The following SERTAD2 variants were observed in gnomAD, a reference collection of about 807,000 sequenced individuals.
The protein encoded by SERTAD2 is SERTA domain containing 2.
In SERTAD2, 2 loss-of-function variants were observed where a neutral mutation model predicts 15.4. The ratio of observed to expected loss-of-function variants is 0.13; its 90% CI spans 0.05 to 0.41. The LOEUF (loss-of-function observed/expected upper bound fraction) is 0.41. SERTAD2 is among the 10% of genes least tolerant of loss of function. SERTAD2 has a pLI of 0.99. For missense variants in SERTAD2, 333 were observed against 409.7 expected (o/e 0.81, Z 1.62); for synonymous variants, 180 against 178.0 (o/e 1.01, Z -0.09).
chr2:64,642,901 G>A (rs560166777), intron 1 of SERTAD2, among the ~76,000 whole-genome samples: 7 of 149,732 alleles, frequency 4.7e-5, no homozygotes, highest in South Asian at 2.1e-4. Context: ...TCATTAGCCC[G>A]GGCGGAAGGA....
At chr2:64,650,097 G>A (rs532035549) in intron 1 of SERTAD2, among the ~76,000 whole-genome samples, 1 of 152,304 alleles carries the variant, frequency 6.6e-6, no homozygotes, top group South Asian at 2.1e-4. Context: ...ATTAAGTTCA[G>A]ATGAGGGACA....
rs1423241531 is a variant in SERTAD2 at position 64,634,537 on chromosome 2, CATGTTGTA to C, written c.*1382_*1389del. 6.6e-6 allele frequency: 1 copy of C among 152,174 alleles called. No homozygotes were observed. The highest frequency in any genetic ancestry group is 1.5e-5 in the Non-Finnish European group (1 of 68,052). The allele number at this position is 152,174 out of a possible 1,614,324, so 9.4% of individuals were successfully genotyped here. A position where few individuals can be genotyped will look rare whatever the true frequency, so the allele number is the denominator to read the frequency against. ...ATGAACTCCAGGTTCAAGAGTCACA[CATGTTGTA>C]AGAGTGCATCCCGGGCCGGCCGAGG... On this transcript the variant is annotated 3_prime_UTR_variant, in exon 2 of 2. Transcript: ENST00000313349.
chr2:64,648,708 T>C (rs959290980), intron 1 of SERTAD2, among the ~76,000 whole-genome samples: 3 of 152,154 alleles, frequency 2.0e-5, no homozygotes, highest in Admixed American at 6.5e-5. Flanking sequence ...ACCTGTCTTC[T>C]GGAGCTTTAG....
Position 64,635,885 on chromosome 2 carries a change from G to GCT in SERTAD2, c.*40_*41dup, listed in dbSNP as rs1558650979. On this transcript the variant is annotated 3_prime_UTR_variant, in exon 2 of 2. Transcript: ENST00000313349. ...GGAGAACTGTCAGGGTTATGGGAAC[G>GCT]CTCTGGGGTCTGGGTGGGCATAGTC... 1.4e-6 allele frequency: 2 copies of GCT among 1,468,830 alleles called. No homozygotes were observed. Among genetic ancestry groups the GCT allele is most frequent in the South Asian group, 2.3e-5 (2 of 87,028 alleles). 91.0% of individuals were successfully genotyped at this position (1,468,830 alleles called of 1,614,324 possible).
Position 64,634,785 on chromosome 2 carries a change from G to A in SERTAD2, c.*1142C>T, listed in dbSNP as rs1674620019. 6.6e-6 allele frequency: 1 copy of A among 152,190 alleles called. No individual in the cohort carries two copies. Among genetic ancestry groups the A allele is most frequent in the Non-Finnish European group, 1.5e-5 (1 of 68,020 alleles). 9.4% of individuals were successfully genotyped at this position (152,190 alleles called of 1,614,324 possible). ...TTCGGATGTAAAATTTTGTTCGGAT[G>A]TAAAATTTCAGGTCATCATAAAAAT... On this transcript the variant is annotated 3_prime_UTR_variant, in exon 2 of 2. Transcript: ENST00000313349.
chr2:64,639,239 T>C (rs1674721276), intron 1 of SERTAD2, among the ~76,000 whole-genome samples: 1 of 152,264 alleles, frequency 6.6e-6, no homozygotes. Context: ...GAACTGTTAC[T>C]GGTCCACGAT....
rs950689305 is a variant in SERTAD2, at chr2:64,633,950, G to A, written c.*1977C>T. On this transcript the variant is annotated 3_prime_UTR_variant, in exon 2 of 2. Coordinates refer to ENST00000313349, the MANE Select transcript of SERTAD2 (RefSeq NM_014755.3). The stretch of plus-strand genomic sequence containing the variant: ...CAGTTCCTTCATCACAAACGTCTTT[G>A]CTTTGCCATGTGCATTACAAAAATA... 6.6e-6 allele frequency: 1 copy of A among 152,590 alleles called. No individual in the cohort carries two copies. Among genetic ancestry groups the A allele is most frequent in the African/African-American group, 2.4e-5 (1 of 41,420 alleles). The allele number at this position is 152,590 out of a possible 1,614,324, so 9.5% of individuals were successfully genotyped here.
intron 1 of SERTAD2, among the ~76,000 whole-genome samples, chr2:64,651,109 T>C (rs1223890051): frequency 2.0e-5 from 3 of 152,252 alleles, no homozygotes; most frequent in South Asian, 2.1e-4. Flanking sequence ...TATCTATATA[T>C]AGCTTTTTCC....
At chr2:64,641,660 G>A in intron 1 of SERTAD2, among the ~76,000 whole-genome samples, 1 of 152,210 alleles carries the variant, frequency 6.6e-6, no homozygotes, top group East Asian at 1.9e-4. Flanking sequence ...GTGTGTGTGT[G>A]TGTCCTTGAG....
intron 1 of SERTAD2, among the ~76,000 whole-genome samples, chr2:64,639,005 G>A (rs1048084489): frequency 6.6e-6 from 1 of 152,200 alleles, no homozygotes; most frequent in African/African-American, 2.4e-5. Context: ...TGTATTCACA[G>A]GTATGCTATT....
At chr2:64,648,004 A>C (rs1251176405) in intron 1 of SERTAD2, among the ~76,000 whole-genome samples, 1 of 152,224 alleles carries the variant, frequency 6.6e-6, no homozygotes, top group Non-Finnish European at 1.5e-5. Context: ...CTTATAACTT[A>C]TCCGTGCAGT....
chr2:64,652,326 C>G (rs1383282994), intron 1 of SERTAD2, among the ~76,000 whole-genome samples: 1 of 152,060 alleles, frequency 6.6e-6, no homozygotes, highest in African/African-American at 2.4e-5. Context: ...CTGAGCTGAG[C>G]AACTACCCCC....
intron 1 of SERTAD2, among the ~76,000 whole-genome samples, chr2:64,649,125 C>T (rs1053250176): frequency 1.3e-5 from 2 of 152,236 alleles, no homozygotes; most frequent in Non-Finnish European, 1.5e-5. Flanking sequence ...AGCTCGATAT[C>T]TCATTAGCGT....
intron 1 of SERTAD2, among the ~76,000 whole-genome samples, chr2:64,638,731 AG>A (rs1674713197): frequency 6.6e-6 from 1 of 152,208 alleles, no homozygotes; most frequent in East Asian, 1.9e-4. Context: ...TGACCAGTCC[AG>A]TAATTAATTG....
At chr2:64,643,747 TC>T (rs1674828969) in intron 1 of SERTAD2, among the ~76,000 whole-genome samples, 1 of 152,048 alleles carries the variant, frequency 6.6e-6, no homozygotes, top group South Asian at 2.1e-4. Flanking sequence ...GTACCTGTAG[TC>T]CCAGCTACTC....
rs1674666403 is a variant in SERTAD2, at chr2:64,636,601, GGGA to G, written c.268_270del (p.Ser90del). ...CTGTCGCTGGGCTCGGTGGTGGGCT[GGGA>G]GGAGGGGGTGAACATGGGCCTCAGG... On this transcript the variant is annotated inframe_deletion, in exon 2 of 2. Transcript: ENST00000313349. The G allele has an allele frequency of 6.2e-7, 1 of 1,608,160 alleles. No homozygotes were observed. The highest frequency in any genetic ancestry group is 1.3e-5 in the African/African-American group (1 of 74,722).
rs1210952048 is a variant in SERTAD2 at position 64,653,852 on chromosome 2, CG to C, written c.-238del. 2 of 152,974 alleles carry C rather than the reference CG, an allele frequency of 1.3e-5. No homozygotes were observed. The highest frequency in any genetic ancestry group is 4.9e-5 in the African/African-American group (2 of 41,206). 9.5% of individuals were successfully genotyped at this position (152,974 alleles called of 1,614,324 possible). A position where few individuals can be genotyped will look rare whatever the true frequency, so the allele number is the denominator to read the frequency against. ...AGCGGAGGAGGAAGCAGGAGGCGGG[CG>C]GAGGGGGCGCCCTGACCGAGCGAGC... On this transcript the variant is annotated 5_prime_UTR_variant, in exon 1 of 2. Transcript: ENST00000313349.
rs1674670364 is a variant in SERTAD2 at position 64,636,721 on chromosome 2, G to A, written c.151C>T (p.His51Tyr). ...FNISLMKLYN[H>Y]RPLTEPSLQK... Reference sequence around the variant, plus strand: ...AAGCTGGGCTCTGTCAGGGGCCTGTGGTTATAGAGTTTCATAAGGGAAATG... The same window carrying A: ...AAGCTGGGCTCTGTCAGGGGCCTGTAGTTATAGAGTTTCATAAGGGAAATG... Residue 51 changes from histidine (H) to tyrosine (Y), a missense_variant, in exon 2 of 2, where the codon CAC (histidine) becomes TAC (tyrosine). Coordinates refer to ENST00000313349, the MANE Select transcript of SERTAD2 (RefSeq NM_014755.3). 6.2e-7 allele frequency: 1 copy of A among 1,614,198 alleles called. No individual in the cohort carries two copies. The highest frequency in any genetic ancestry group is 8.5e-7 in the Non-Finnish European group (1 of 1,180,036).
chr2:64,633,300 G>A lies in SERTAD2; in HGVS notation c.*2627C>T, dbSNP rs1023063557. The A allele has an allele frequency of 1.3e-5, 2 of 152,152 alleles. No individual in the cohort carries two copies. Among genetic ancestry groups the A allele is most frequent in the African/African-American group, 4.8e-5 (2 of 41,434 alleles). 9.4% of individuals were successfully genotyped at this position (152,152 alleles called of 1,614,324 possible). On this transcript the variant is annotated 3_prime_UTR_variant, in exon 2 of 2. Coordinates refer to ENST00000313349, the MANE Select transcript of SERTAD2 (RefSeq NM_014755.3). Reference sequence around the variant, plus strand: ...AAAAGCATTTGCCTGCTGTTTTTGGGGTTTTTGTTTTGATTTTGAAGCCCA... The same window carrying A: ...AAAAGCATTTGCCTGCTGTTTTTGGAGTTTTTGTTTTGATTTTGAAGCCCA...
Sources: gnomAD v4.1 joint callset for allele counts (sites outside exome capture counted in the v4.1 genomes callset) on GRCh38, gnomAD v4.1.1 for gene constraint, MANE v1.5 for transcripts, NCBI Gene and HGNC (gene_info 2026-07-23, HGNC 2026-07-21) for gene names.